Variants in SMYD4 observed in about 807,000 individuals in gnomAD.
The protein encoded by SMYD4 is SET and MYND domain containing 4.
Under a neutral mutation model 72.8 loss-of-function variants are expected in SMYD4, and 68 were observed. That is an observed-to-expected ratio of 0.93 (90% CI 0.77 to 1.14). The LOEUF (loss-of-function observed/expected upper bound fraction) is 1.14. Ranked by LOEUF, SMYD4 falls within the 50% of genes most tolerant of loss-of-function variation. SMYD4 has a pLI of 0.00. For synonymous variants in SMYD4, 407 were observed against 388.6 expected, an observed-to-expected ratio of 1.05 and a Z score of -0.56; for missense variants, 984 against 1,003.7, an observed-to-expected ratio of 0.98 and a Z score of 0.27.
intron 5 of SMYD4, among the ~76,000 whole-genome samples, chr17:1,795,978 T>G (rs1909385731): frequency 6.6e-6 from 1 of 152,080 alleles, no homozygotes; most frequent in South Asian, 2.1e-4. Context: ...TGTATATATT[T>G]TTAAAACATT....
intron 2 of SMYD4, among the ~76,000 whole-genome samples, chr17:1,818,001 C>G (rs544797442): frequency 1.4e-5 from 2 of 145,126 alleles, no homozygotes; most frequent in African/African-American, 2.6e-5. Context: ...GAGCCGAGAT[C>G]GTGCCACTGC....
intron 4 of SMYD4, among the ~76,000 whole-genome samples, chr17:1,803,730 C>T (rs1261134941): frequency 6.6e-6 from 1 of 152,036 alleles, no homozygotes; most frequent in Non-Finnish European, 1.5e-5. Context: ...AACTCCTGAC[C>T]TCAAGTGATC....
intron 5 of SMYD4, among the ~76,000 whole-genome samples, chr17:1,790,984 G>A (rs1000752493): frequency 1.3e-5 from 2 of 151,314 alleles, no homozygotes; most frequent in African/African-American, 2.4e-5. Flanking sequence ...AAAATTAGCC[G>A]GGCATGGTGG....
At chr17:1,809,706 G>A (rs975830893) in intron 3 of SMYD4, among the ~76,000 whole-genome samples, 1 of 146,008 alleles carries the variant, frequency 6.8e-6, no homozygotes, top group Non-Finnish European at 1.5e-5. Flanking sequence ...GTCTCGCTCT[G>A]TCGCCCAGGC....
At chr17:1,795,381 T>A (rs1372432620) in intron 5 of SMYD4, among the ~76,000 whole-genome samples, 2 of 151,812 alleles carry the variant, frequency 1.3e-5, no homozygotes, top group Non-Finnish European at 2.9e-5. Context: ...TCACCCTGGC[T>A]GTAGTACAGT....
intron 4 of SMYD4, among the ~76,000 whole-genome samples, chr17:1,801,401 G>A (rs550274408): frequency 7.7e-4 from 116 of 151,606 alleles, no homozygotes; most frequent in African/African-American, 2.5e-3. Context: ...ACCACACCCA[G>A]CTATTTTTTT....
Position 1,800,377 on chromosome 17 carries a change from C to T in SMYD4, c.1017G>A (p.Gly339=). 1.2e-6 allele frequency: 2 copies of T among 1,614,202 alleles called. No individual in the cohort carries two copies. Among genetic ancestry groups the T allele is most frequent in the Non-Finnish European group, 1.7e-6 (2 of 1,180,040 alleles). The part of the protein sequence containing the change: ...LYHRTECPLG[G]LLLTLGVFCH... ...AAAAGACACCCAGTGTGAGAAGCAG[C>T]CCTCCCAGAGGACATTCTGTCCTGT... The change falls in exon 5 of 11, where the codon GGG becomes GGA. Residue 339 remains glycine, a synonymous_variant. Transcript: ENST00000305513.
Position 1,781,356 on chromosome 17 carries a change from A to C in SMYD4, c.2345T>G (p.Ile782Ser). The C allele has an allele frequency of 6.2e-7, 1 of 1,614,020 alleles. No individual in the cohort carries two copies. Among genetic ancestry groups the C allele is most frequent in the South Asian group, 1.1e-5 (1 of 91,072 alleles). ...GGATTTCATCTTCTGGAGCTCCTGG[A>C]TTTCATCGTCCCATGGGCCACAGTG... ...SLHCGPWDDE[I>S]QELQKMKSCL... is the part of the protein sequence containing the mutation. The change falls in exon 11 of 11, where the codon ATC (isoleucine) becomes AGC (serine). Residue 782 changes from isoleucine to serine, a missense_variant. Transcript: ENST00000305513.
chr17:1,820,868 C>T (rs1910850537), intron 2 of SMYD4, among the ~76,000 whole-genome samples: 1 of 152,134 alleles, frequency 6.6e-6, no homozygotes, highest in African/African-American at 2.4e-5. Flanking sequence ...AGGGCCAGTT[C>T]CTATTTTTAC....
In SMYD4 at chr17:1,784,382, T is replaced by G. The variant is rs1349938825; in HGVS notation, c.1964A>C (p.Gln655Pro). The G allele has an allele frequency of 6.2e-7, 1 of 1,614,244 alleles. No homozygotes were observed. The highest frequency in any genetic ancestry group is 1.3e-5 in the African/African-American group (1 of 75,064). Reference protein sequence around the residue: ...VSRDHLVSRLQDLQQQVRVAQ... With the variant: ...VSRDHLVSRLPDLQQQVRVAQ... ...CACTCTGACCTGCTGCTGTAGGTCC[T>G]GTAACCGAGAGACCAGGTGGTCCCT... Residue 655 changes from glutamine to proline, a missense_variant, in exon 8 of 11, where the codon CAG (glutamine) becomes CCG (proline). Transcript: ENST00000305513.
At chr17:1,828,842 C>T (rs1911353301) in intron 1 of SMYD4, among the ~76,000 whole-genome samples, 1 of 152,096 alleles carries the variant, frequency 6.6e-6, no homozygotes, top group African/African-American at 2.4e-5. Context: ...GATGATCCGC[C>T]AGCCTTGGCC....
rs1909147377 is a variant in SMYD4, at chr17:1,793,042, C to T, written c.1538-5438G>A. Among the ~76,000 whole-genome samples, 14 of 152,108 alleles carry T rather than the reference C, an allele frequency of 9.2e-5. 1 individual carries two copies. Among genetic ancestry groups the T allele is most frequent in the Admixed American group, 8.5e-4 (13 of 15,256 alleles). ...GAGCCGCTGTCCCACCTCAGACTCC[C>T]GGGTAGCTGAGACCACAAGCGCGCA... is the stretch of plus-strand genomic sequence containing the variant. On this transcript the variant is annotated intron_variant, in intron 5 of 10. Coordinates refer to ENST00000305513, the MANE Select transcript of SMYD4 (RefSeq NM_052928.3).
At chr17:1,818,937 T>G (rs1222102867) in intron 2 of SMYD4, among the ~76,000 whole-genome samples, 1 of 151,836 alleles carries the variant, frequency 6.6e-6, no homozygotes. Context: ...TGTGAGCCAC[T>G]GCACCTGGCC....
In SMYD4 at chr17:1,800,701, G is replaced by C. The variant is rs1909687112; in HGVS notation, c.693C>G (p.Ala231=). The C allele has an allele frequency of 1.2e-5, 19 of 1,614,202 alleles. No individual in the cohort carries two copies. The highest frequency in any genetic ancestry group is 1.6e-5 in the Non-Finnish European group (19 of 1,180,032). ...LREENEQLSN[A]SSSIGLCVDP... is the part of the protein sequence containing the mutation. ...CTACGCATAAGCCGATGGATGATGA[G>C]GCATTGGAAAGTTGTTCATTCTCCT... Residue 231 remains alanine, a synonymous_variant, in exon 5 of 11, where the codon GCC becomes GCG. Transcript: ENST00000305513.
At chr17:1,788,850 G>A (rs1320821642) in intron 5 of SMYD4, among the ~76,000 whole-genome samples, 3 of 152,168 alleles carry the variant, frequency 2.0e-5, no homozygotes, top group African/African-American at 7.2e-5. Context: ...TACCTGTGCT[G>A]GCTTTTCTCA....
intron 2 of SMYD4, among the ~76,000 whole-genome samples, chr17:1,812,793 C>T (rs1387126380): frequency 6.6e-6 from 1 of 152,100 alleles, no homozygotes; most frequent in African/African-American, 2.4e-5. Flanking sequence ...AAATGGTCCA[C>T]CTGCCTCACC....
At chr17:1,783,761 A>G (rs1908504366) in intron 8 of SMYD4, 1 of 482,182 alleles carries the variant, frequency 2.1e-6, no homozygotes, top group Admixed American at 3.8e-5. Context: ...TACGGCCATG[A>G]TTTCTCTTGA....
chr17:1,790,152 G>A (rs938032739), intron 5 of SMYD4, among the ~76,000 whole-genome samples: 1 of 152,188 alleles, frequency 6.6e-6, no homozygotes, highest in Admixed American at 6.5e-5. Context: ...GCCAACTACT[G>A]ATAACTGGCA....
At chr17:1,788,472 G>A (rs931540940) in intron 5 of SMYD4, among the ~76,000 whole-genome samples, 5 of 152,066 alleles carry the variant, frequency 3.3e-5, no homozygotes, top group African/African-American at 4.8e-5. Context: ...TTGGCCGGGC[G>A]CGGTGGCTCA....
Sources: gnomAD v4.1 joint callset for allele counts (sites outside exome capture counted in the v4.1 genomes callset) on GRCh38, gnomAD v4.1.1 for gene constraint, MANE v1.5 for transcripts, NCBI Gene and HGNC (gene_info 2026-07-23, HGNC 2026-07-21) for gene names.